The following RNF217 variants were observed in gnomAD, a reference collection of about 807,000 sequenced individuals.
RNF217 encodes E3 ubiquitin-protein ligase RNF217.
In RNF217, 31 loss-of-function variants were observed where a neutral mutation model predicts 57.8. That is an observed-to-expected ratio of 0.54 (90% confidence interval 0.40 to 0.72). The LOEUF is 0.72. Among genes scored for constraint, RNF217 ranks in the 30% least tolerant of loss-of-function variants. The pLI, the probability that RNF217 is intolerant of heterozygous loss-of-function variation, is 0.00. For synonymous variants in RNF217, 313 were observed against 294.0 expected (o/e 1.06, Z -0.66); for missense variants, 696 against 708.3 (o/e 0.98, Z 0.20).
chr6:125,029,812 A>G (rs867067051), intron 1 of RNF217, among the ~76,000 whole-genome samples: 1 of 152,332 alleles, frequency 6.6e-6, no homozygotes, highest in East Asian at 1.9e-4. Flanking sequence ...TTTTGAAATC[A>G]GCTACATAAA....
At chr6:125,027,724 C>T (rs1378194731) in intron 1 of RNF217, among the ~76,000 whole-genome samples, 1 of 152,146 alleles carries the variant, frequency 6.6e-6, no homozygotes, top group East Asian at 1.9e-4. Context: ...TTTGAGGAAC[C>T]TCCAAACTGT....
chr6:125,084,845 A>G lies in RNF217; in HGVS notation c.*1908A>G, dbSNP rs561932181. On this transcript the variant is annotated 3_prime_UTR_variant, in exon 6 of 6. Coordinates refer to ENST00000521654, the MANE Select transcript of RNF217 (RefSeq NM_001286398.3). Reference sequence around the variant, plus strand: ...TCACCCATCCATCCATTTAACAGATATTTATTGAGTGCCTATCTTAGGTGT... The same window carrying G: ...TCACCCATCCATCCATTTAACAGATGTTTATTGAGTGCCTATCTTAGGTGT... The G allele has an allele frequency of 1.3e-5, 2 of 152,038 alleles. No homozygotes were observed. Among genetic ancestry groups the G allele is most frequent in the Non-Finnish European group, 2.9e-5 (2 of 67,846 alleles). 9.4% of individuals were successfully genotyped at this position (152,038 alleles called of 1,614,324 possible).
intron 1 of RNF217, among the ~76,000 whole-genome samples, chr6:125,002,425 G>C (rs1247923282): frequency 6.6e-6 from 1 of 150,926 alleles, no homozygotes; most frequent in Non-Finnish European, 1.5e-5. Context: ...TCCAAATGCT[G>C]TCGTGCCCCC....
At chr6:125,034,377 G>T (rs1786507640) in intron 1 of RNF217, among the ~76,000 whole-genome samples, 2 of 152,086 alleles carry the variant, frequency 1.3e-5, no homozygotes, top group Admixed American at 1.3e-4. Flanking sequence ...TTTGTATAAG[G>T]TGTAAGGAAG....
chr6:125,068,213 A>G (rs984926093), intron 3 of RNF217, among the ~76,000 whole-genome samples: 2 of 152,280 alleles, frequency 1.3e-5, no homozygotes, highest in Admixed American at 1.3e-4. Context: ...ATGGAGGGAT[A>G]CAGATAATTA....
intron 1 of RNF217, among the ~76,000 whole-genome samples, chr6:124,993,539 C>T (rs1439963327): frequency 6.6e-6 from 1 of 152,132 alleles, no homozygotes; most frequent in Non-Finnish European, 1.5e-5. Context: ...TTGTGGCACG[C>T]ACTATTCCAG....
chr6:125,082,650 T>C, intron 5 of RNF217: 1 of 1,547,470 alleles, frequency 6.5e-7, no homozygotes, highest in Non-Finnish European at 8.7e-7. Context: ...GAAATCATTA[T>C]TATTAAACTG....
rs185688692 is a variant in RNF217, at chr6:125,064,867, G to A, written c.1281+6761G>A. Among the ~76,000 whole-genome samples, 825 of 151,968 alleles carry A rather than the reference G, an allele frequency of 5.4e-3. 6 individuals carry two copies. Among genetic ancestry groups the A allele is most frequent in the Non-Finnish European group, 8.4e-3 (569 of 67,962 alleles). The stretch of plus-strand genomic sequence containing the variant: ...GTATATATATATAGTTAGGGTACTA[G>A]AAAATGTAGTGTACCTTAAAACCAT... On this transcript the variant is annotated intron_variant, in intron 3 of 5. Coordinates refer to ENST00000521654, the MANE Select transcript of RNF217 (RefSeq NM_001286398.3).
At chr6:124,987,560 G>T (rs773131828) in intron 1 of RNF217, among the ~76,000 whole-genome samples, 2 of 152,180 alleles carry the variant, frequency 1.3e-5, no homozygotes, top group Non-Finnish European at 2.9e-5. Flanking sequence ...TTGGAATGTT[G>T]AAATCATAAA....
chr6:125,084,054 G>T lies in RNF217; in HGVS notation c.*1117G>T, dbSNP rs1788695481. 2 of 151,910 alleles carry T rather than the reference G, an allele frequency of 1.3e-5. No individual in the cohort carries two copies. Among genetic ancestry groups the T allele is most frequent in the African/African-American group, 2.4e-5 (1 of 41,382 alleles). The allele number at this position is 151,910 out of a possible 1,614,324, so 9.4% of individuals were successfully genotyped here. A position where few individuals can be genotyped will look rare whatever the true frequency, so the allele number is the denominator to read the frequency against. On this transcript the variant is annotated 3_prime_UTR_variant, in exon 6 of 6. Coordinates refer to ENST00000521654, the MANE Select transcript of RNF217 (RefSeq NM_001286398.3). ...ATAGATAATTCTGCTTTAGGTCAAG[G>T]TCTTACATCATTTAATATCCTAACC... is the stretch of plus-strand genomic sequence containing the variant.
At chr6:125,051,012 T>A (rs1787293831) in intron 2 of RNF217, among the ~76,000 whole-genome samples, 1 of 152,022 alleles carries the variant, frequency 6.6e-6, no homozygotes, top group African/African-American at 2.4e-5. Context: ...GATGCAAGCC[T>A]ACTAAATTAT....
rs560140374 is a variant in RNF217 at position 124,966,313 on chromosome 6, A to C, written c.882+2887A>C. Reference sequence around the variant, plus strand: ...TCTCTATGCCTTAATTTCCTCATCAATGAAATGTAATTGCAGACAACCTGT... The same window carrying C: ...TCTCTATGCCTTAATTTCCTCATCACTGAAATGTAATTGCAGACAACCTGT... On this transcript the variant is annotated intron_variant, in intron 1 of 5. Coordinates refer to ENST00000521654, the MANE Select transcript of RNF217 (RefSeq NM_001286398.3). 9.2e-5 allele frequency among the ~76,000 whole-genome samples: 14 copies of C among 152,292 alleles called. No individual in the cohort carries two copies. In the East Asian group the frequency reaches 2.7e-3, roughly 29 times the overall value.
At chr6:124,971,744 G>C (rs1217952855) in intron 1 of RNF217, 1 of 153,940 alleles carries the variant, frequency 6.5e-6, no homozygotes, top group Admixed American at 6.5e-5. Context: ...GTGAGCCACG[G>C]CACCCGGCCG....
At chr6:125,078,000 C>A (rs1187215954) in intron 4 of RNF217, among the ~76,000 whole-genome samples, 1 of 152,164 alleles carries the variant, frequency 6.6e-6, no homozygotes, top group Non-Finnish European at 1.5e-5. Context: ...GAAACCAATG[C>A]CGTCATTTTC....
At chr6:124,965,784 TA>T (rs1783515013) in intron 1 of RNF217, among the ~76,000 whole-genome samples, 1 of 152,132 alleles carries the variant, frequency 6.6e-6, no homozygotes, top group African/African-American at 2.4e-5. Context: ...ACCACCCTTT[TA>T]AAAATTGAGC....
At chr6:125,056,982 A>G (rs1283506690) in intron 2 of RNF217, among the ~76,000 whole-genome samples, 1 of 152,222 alleles carries the variant, frequency 6.6e-6, no homozygotes, top group Non-Finnish European at 1.5e-5. Context: ...GTGAAATATG[A>G]AGGCCCGTTT....
chr6:125,089,943 A>G lies in RNF217; in HGVS notation c.*7006A>G, dbSNP rs1434089864. 6.6e-6 allele frequency: 1 copy of G among 152,146 alleles called. No individual in the cohort carries two copies. The highest frequency in any genetic ancestry group is 1.9e-4 in the East Asian group (1 of 5,196). 9.4% of individuals were successfully genotyped at this position (152,146 alleles called of 1,614,324 possible). A position where few individuals can be genotyped will look rare whatever the true frequency, so the allele number is the denominator to read the frequency against. ...TCTAAATTCTTTCATTTTATAGAAA[A>G]TTAGCATGCTTTATGTTTCTTTATA... On this transcript the variant is annotated 3_prime_UTR_variant, in exon 6 of 6. Transcript: ENST00000521654.
Position 125,083,698 on chromosome 6 carries a change from A to G in RNF217, c.*761A>G, listed in dbSNP as rs1160314848. 2 of 152,056 alleles carry G rather than the reference A, an allele frequency of 1.3e-5. No individual in the cohort carries two copies. Among genetic ancestry groups the G allele is most frequent in the Non-Finnish European group, 2.9e-5 (2 of 67,980 alleles). The allele number at this position is 152,056 out of a possible 1,614,324, so 9.4% of individuals were successfully genotyped here. A position where few individuals can be genotyped will look rare whatever the true frequency, so the allele number is the denominator to read the frequency against. ...TGGACATAATTTAGCAATGTATTAA[A>G]TTAAAGTCAATGTAGACAACAGGCC... On this transcript the variant is annotated 3_prime_UTR_variant, in exon 6 of 6. Transcript: ENST00000521654.
At chr6:124,998,314 G>C (rs921951162) in intron 1 of RNF217, among the ~76,000 whole-genome samples, 1 of 151,932 alleles carries the variant, frequency 6.6e-6, no homozygotes, top group Non-Finnish European at 1.5e-5. Context: ...CCCCATTTCA[G>C]ATTCTCTAAC....
Sources: gnomAD v4.1 joint callset for allele counts (sites outside exome capture counted in the v4.1 genomes callset) on GRCh38, gnomAD v4.1.1 for gene constraint, MANE v1.5 for transcripts, NCBI Gene and HGNC (gene_info 2026-07-23, HGNC 2026-07-21) for gene names.